The following USP34 variants were observed in gnomAD, a reference collection of about 807,000 sequenced individuals.
USP34 encodes ubiquitin specific peptidase 34.
A neutral mutation model predicts 460.3 loss-of-function variants in USP34; 70 were observed. That is an observed-to-expected ratio of 0.15 (90% confidence interval 0.13 to 0.19). USP34 has a LOEUF of 0.19. USP34 is among the 10% of genes least tolerant of loss of function. The pLI is 1.00. For missense variants in USP34, 3,985 were observed against 4,236.2 expected (o/e 0.94, Z 1.65); for synonymous variants, 1,647 against 1,405.3 (o/e 1.17, Z -3.85).
chr2:61,230,547 C>G (rs1003463302), intron 58 of USP34, among the ~76,000 whole-genome samples: 1 of 151,466 alleles, frequency 6.6e-6, no homozygotes, highest in Admixed American at 6.6e-5. Flanking sequence ...ACCAACCAAC[C>G]AAACAAAAAA....
intron 21 of USP34, among the ~76,000 whole-genome samples, chr2:61,320,598 G>C (rs1690886991): frequency 6.6e-6 from 1 of 152,216 alleles, no homozygotes; most frequent in Non-Finnish European, 1.5e-5. Flanking sequence ...AGGCGCAGTG[G>C]CTTACACATG....
chr2:61,190,088 T>TA (rs1299322281), intron 78 of USP34, 183 bp downstream of exon 78: 31 of 608,628 alleles, frequency 5.1e-5, no homozygotes, highest in Admixed American at 3.7e-5. Context: ...TCCAAGGTGA[T>TA]AGAGTGTGCT....
intron 18 of USP34, among the ~76,000 whole-genome samples, chr2:61,335,825 T>C (rs1334169054): frequency 6.6e-6 from 1 of 152,132 alleles, no homozygotes; most frequent in Non-Finnish European, 1.5e-5. Flanking sequence ...TTATACTGAA[T>C]TGCACTAGTT....
At chr2:61,428,924 A>C (rs1694586209) in intron 1 of USP34, among the ~76,000 whole-genome samples, 1 of 152,250 alleles carries the variant, frequency 6.6e-6, no homozygotes, top group Middle Eastern at 3.2e-3. Context: ...TAGTCCACAC[A>C]GGTAGCCAAC....
intron 22 of USP34, 95 bp downstream of exon 22, chr2:61,319,077 AC>A: frequency 7.9e-7 from 1 of 1,267,300 alleles, no homozygotes; most frequent in Non-Finnish European, 1.1e-6. Flanking sequence ...ACTTAAAAAA[AC>A]TGTCAAAAAA....
rs554138534 is a variant in USP34 at position 61,464,703 on chromosome 2, GCGAGACTCCGTCTCAAAAAAAAAA to G, written c.43+5923_43+5946del. ...ACTGCACTCCAGCCTGGGCGAAAGA[GCGAGACTCCGTCTCAAAAAAAAAA>G]AAAAAAAAAAAAAGAGGTACTATGT... On this transcript the variant is annotated intron_variant, in intron 1 of 79. Coordinates refer to ENST00000398571, the MANE Select transcript of USP34 (RefSeq NM_014709.4). 4.4e-4 allele frequency among the ~76,000 whole-genome samples: 58 copies of G among 131,108 alleles called. 1 individual carries two copies. In the East Asian group the frequency reaches 0.014, roughly 32 times the overall value. The allele number at this position is 131,108 out of a possible 152,430, so 86.0% of individuals were successfully genotyped here.
chr2:61,307,591 A>T (rs1360814352), intron 27 of USP34, among the ~76,000 whole-genome samples: 1 of 152,076 alleles, frequency 6.6e-6, no homozygotes, highest in Non-Finnish European at 1.5e-5. Flanking sequence ...AGAGGATAAA[A>T]AACCTCATGA....
intron 10 of USP34, among the ~76,000 whole-genome samples, chr2:61,352,856 A>AGAC (rs1691984821): frequency 1.3e-5 from 2 of 151,922 alleles, no homozygotes; most frequent in African/African-American, 4.8e-5. Flanking sequence ...AAGACGATGA[A>AGAC]AACAAAGACG....
intron 20 of USP34, among the ~76,000 whole-genome samples, chr2:61,328,310 A>AT (rs1209722134): frequency 6.6e-6 from 1 of 151,998 alleles, no homozygotes; most frequent in Non-Finnish European, 1.5e-5. Context: ...CAAAAAAAAA[A>AT]AAATAAAGTG....
At position 61,296,925 on chromosome 2, in the gene USP34, T is replaced by C. The variant is rs776260388; in HGVS notation, c.4129A>G (p.Ser1377Gly). Residue 1377 changes from serine (S) to glycine (G), a missense_variant and splice_region_variant, in exon 30 of 80, where the codon AGC (serine) becomes GGC (glycine). This residue lies in a region of USP34 where 1,114 missense variants were observed against 1,122.5 expected (regional missense o/e 0.99). Coordinates refer to ENST00000398571, the MANE Select transcript of USP34 (RefSeq NM_014709.4). The stretch of plus-strand genomic sequence containing the variant: ...AGATGAAGTTCTTCACATCGTAAGC[T>C]CTACACAAATAAGAACAACTACTTT... ...SGKVAVDDSE[S>G]LRCEELHLHA... 5.0e-6 allele frequency: 8 copies of C among 1,609,400 alleles called. No homozygotes were observed. The highest frequency in any genetic ancestry group is 6.8e-6 in the Non-Finnish European group (8 of 1,178,692).
At chr2:61,344,183 T>A (rs1691690913) in intron 15 of USP34, among the ~76,000 whole-genome samples, 154 bp from the exon 16 acceptor site, 1 of 152,200 alleles carries the variant, frequency 6.6e-6, no homozygotes, top group African/African-American at 2.4e-5. Flanking sequence ...TTTACGAAAC[T>A]GAAAACTTCA....
At chr2:61,426,541 TTTGAATGCCAGCTCAGCC>T (rs1694516776) in intron 1 of USP34, among the ~76,000 whole-genome samples, 1 of 151,806 alleles carries the variant, frequency 6.6e-6, no homozygotes, top group Non-Finnish European at 1.5e-5. Flanking sequence ...AGTCCTGTGG[TTTGAATGCCAGCTCAGCC>T]ACAATACAAA....
intron 3 of USP34, among the ~76,000 whole-genome samples, chr2:61,397,990 C>G (rs940756415): frequency 3.9e-5 from 6 of 152,050 alleles, no homozygotes; most frequent in Admixed American, 2.6e-4. Context: ...TCACTTGAAC[C>G]CGCTTGGGGG....
At chr2:61,232,402 G>T in intron 58 of USP34, 50 bp downstream of exon 58, 1 of 1,416,380 alleles carries the variant, frequency 7.1e-7, no homozygotes, top group Non-Finnish European at 9.9e-7. Flanking sequence ...TAATTAAATT[G>T]AAAGTAACTT....
chr2:61,318,612 T>C (rs768367222), intron 22 of USP34, among the ~76,000 whole-genome samples: 17 of 152,278 alleles, frequency 1.1e-4, no homozygotes, highest in Middle Eastern at 3.4e-3. Flanking sequence ...CAAAATTCAA[T>C]TGGGAATAGT....
intron 43 of USP34, among the ~76,000 whole-genome samples, chr2:61,261,412 A>G (rs1368170794): frequency 1.3e-5 from 2 of 152,230 alleles, no homozygotes; most frequent in Admixed American, 1.3e-4. Flanking sequence ...CCAGTCACAA[A>G]AAGACAAATC....
In USP34 at chr2:61,236,349, T is replaced by A; in HGVS notation, c.6818A>T (p.Asn2273Ile). The A allele has an allele frequency of 2.5e-6, 4 of 1,605,006 alleles. No individual in the cohort carries two copies. The highest frequency in any genetic ancestry group is 3.4e-6 in the Non-Finnish European group (4 of 1,176,534). Residue 2273 changes from asparagine to isoleucine, a missense_variant, in exon 54 of 80, where the codon AAC becomes ATC. Physicochemically the swap from Asn to Ile is moderately radical, Grantham distance 149 (BLOSUM62 -3). Coordinates refer to ENST00000398571, the MANE Select transcript of USP34 (RefSeq NM_014709.4). The stretch of plus-strand genomic sequence containing the variant: ...CCCAAAATATGTATGTTCAAAAATG[T>A]TTTTGTCTTGAAGAAACTGCATGTT... ...HDNMQFLQDK[N>I]IFEHTYFGFM...
At chr2:61,406,319 G>A (rs1558576321) in intron 2 of USP34, among the ~76,000 whole-genome samples, 191 bp from the exon 3 acceptor site, 1 of 151,994 alleles carries the variant, frequency 6.6e-6, no homozygotes, top group Admixed American at 6.6e-5. Flanking sequence ...TTAGTGTAAA[G>A]TCATCATGTT....
intron 2 of USP34, among the ~76,000 whole-genome samples, chr2:61,414,252 A>G (rs1262560914): frequency 7.2e-6 from 1 of 138,218 alleles, no homozygotes; most frequent in Non-Finnish European, 1.6e-5. Flanking sequence ...CATCTCTATA[A>G]AATAAATAAA....
Sources: gnomAD v4.1 joint callset for allele counts (sites outside exome capture counted in the v4.1 genomes callset) on GRCh38, gnomAD v4.1.1 for gene constraint, gnomAD v4.1.1 regional missense constraint, MANE v1.5 for transcripts, NCBI Gene and HGNC (gene_info 2026-07-23, HGNC 2026-07-21) for gene names.